Variants in ATAD2 observed in about 807,000 individuals in gnomAD.
ATAD2 encodes ATPase family AAA domain containing 2, also known as ATPase family AAA domain-containing protein 2.
A neutral mutation model predicts 168.9 loss-of-function variants in ATAD2; 62 were observed. That is an observed-to-expected ratio of 0.37 (90% CI 0.30 to 0.45). The LOEUF is 0.45. Ranked by LOEUF, ATAD2 falls within the 20% of genes least tolerant of loss-of-function variation. ATAD2 has a pLI of 1.00. For synonymous variants in ATAD2, 613 were observed against 571.6 expected (o/e 1.07, Z -1.03); for missense variants, 1,419 against 1,667.8 (o/e 0.85, Z 2.60).
intron 3 of ATAD2, among the ~76,000 whole-genome samples, chr8:123,372,091 G>A (rs1208545488): frequency 6.6e-6 from 1 of 152,156 alleles, no homozygotes; most frequent in African/African-American, 2.4e-5. Context: ...GTTCAAAGCA[G>A]CTTTGTGATA....
chr8:123,385,792 CACAT>C (rs1829631457), intron 1 of ATAD2, among the ~76,000 whole-genome samples: 1 of 151,936 alleles, frequency 6.6e-6, no homozygotes. Context: ...TACACACACA[CACAT>C]ATATACACGC....
intron 21 of ATAD2, 135 bp from the exon 22 acceptor site, chr8:123,336,667 C>A: frequency 1.5e-6 from 1 of 655,758 alleles, no homozygotes; most frequent in South Asian, 4.2e-5. Flanking sequence ...AACATAAAAC[C>A]TTTCACTTGA....
intron 8 of ATAD2, 78 bp downstream of exon 8, chr8:123,368,980 A>G: frequency 1.3e-6 from 1 of 765,416 alleles, no homozygotes; most frequent in South Asian, 2.6e-5. Context: ...AATACACCCA[A>G]TCCTGAAAGT....
At chr8:123,359,378 C>A (rs750097788) in intron 10 of ATAD2, 42 bp from the exon 11 acceptor site, 8 of 1,467,154 alleles carry the variant, frequency 5.5e-6, no homozygotes, top group South Asian at 1.2e-5. Flanking sequence ...GATTTGGAGT[C>A]CAGATTAAAA....
chr8:123,385,036 C>G (rs933735286), intron 1 of ATAD2, among the ~76,000 whole-genome samples: 3 of 152,066 alleles, frequency 2.0e-5, no homozygotes, highest in African/African-American at 7.2e-5. Context: ...TGTATATAAA[C>G]GTTTTTAAAG....
intron 24 of ATAD2, among the ~76,000 whole-genome samples, chr8:123,332,117 T>C (rs1048034509): frequency 3.3e-5 from 5 of 152,364 alleles, no homozygotes; most frequent in African/African-American, 1.2e-4. Context: ...CTACTGTCTA[T>C]ACATATTGTA....
rs1041557770 is a variant in ATAD2 at position 123,348,240 on chromosome 8, C to T, written c.1840G>A (p.Asp614Asn). The T allele has an allele frequency of 6.2e-7, 1 of 1,601,274 alleles. No homozygotes were observed. The highest frequency in any genetic ancestry group is 8.5e-7 in the Non-Finnish European group (1 of 1,176,388). Residue 614 changes from aspartate (D) to asparagine (N), a missense_variant, in exon 15 of 28, where the codon GAT becomes AAT. By Grantham distance (23) the Asp-to-Asn change is conservative (BLOSUM62 1). Coordinates refer to ENST00000287394, the MANE Select transcript of ATAD2 (RefSeq NM_014109.4). ...GTGTCCAGTGGTTTGGGATTCCAAT[C>T]CCTGGTGTGAATCTTTAGAATCTCT... The part of the protein sequence containing the change: ...RKEILKIHTR[D>N]WNPKPLDTFL...
At chr8:123,375,966 C>T (rs1829296151) in intron 2 of ATAD2, among the ~76,000 whole-genome samples, 1 of 151,946 alleles carries the variant, frequency 6.6e-6, no homozygotes, top group Non-Finnish European at 1.5e-5. Context: ...ATTGGCTGGG[C>T]GTGGTGGCGG....
chr8:123,346,089 G>T lies in ATAD2; in HGVS notation c.2529C>A (p.Ala843=). 1 of 1,522,252 alleles carries T rather than the reference G, an allele frequency of 6.6e-7. No individual in the cohort carries two copies. Among genetic ancestry groups the T allele is most frequent in the South Asian group, 1.3e-5 (1 of 76,218 alleles). 94.3% of individuals were successfully genotyped at this position (1,522,252 alleles called of 1,614,324 possible). Residue 843 remains alanine, a synonymous_variant, in exon 18 of 28, where the codon GCC becomes GCA. Coordinates refer to ENST00000287394, the MANE Select transcript of ATAD2 (RefSeq NM_014109.4). ...TACTTGGGCACCAACAAATTACCTG[G>T]GCACATGTTTCTTCAGGGGATGTAG... ...VSTTSPEETC[A]QVIREAKRTA... is the part of the protein sequence containing the mutation.
chr8:123,351,345 C>G (rs1828452404), intron 13 of ATAD2, among the ~76,000 whole-genome samples: 1 of 152,108 alleles, frequency 6.6e-6, no homozygotes, highest in African/African-American at 2.4e-5. Flanking sequence ...GGAGAGCTGT[C>G]CTGTACGTGT....
chr8:123,410,168 C>T (rs1394790733), intron 1 of ATAD2, among the ~76,000 whole-genome samples: 2 of 152,062 alleles, frequency 1.3e-5, no homozygotes, highest in African/African-American at 2.4e-5. Flanking sequence ...AGTAGCATTT[C>T]GTATTTCTTC....
At chr8:123,347,037 A>G in intron 16 of ATAD2, 55 bp downstream of exon 16, 2 of 1,482,852 alleles carry the variant, frequency 1.3e-6, no homozygotes, top group African/African-American at 1.4e-5. Flanking sequence ...TGTATGAAAC[A>G]TTTCACTTTA....
chr8:123,324,565 C>T (rs969426893), intron 26 of ATAD2, among the ~76,000 whole-genome samples: 1 of 152,202 alleles, frequency 6.6e-6, no homozygotes, highest in East Asian at 1.9e-4. Flanking sequence ...TGTAGGTTCA[C>T]CGTTACAGAG....
chr8:123,396,279 C>A lies in ATAD2; in HGVS notation c.79G>T (p.Asp27Tyr). 1.2e-6 allele frequency: 2 copies of A among 1,611,524 alleles called. No homozygotes were observed. Among genetic ancestry groups the A allele is most frequent in the South Asian group, 1.1e-5 (1 of 91,040 alleles). The change falls in exon 1 of 28, where the codon GAC becomes TAC. Residue 27 changes from aspartate (D) to tyrosine (Y), a missense_variant. Asp to Tyr is a radical substitution (Grantham distance 160, BLOSUM62 -3). Coordinates refer to ENST00000287394, the MANE Select transcript of ATAD2 (RefSeq NM_014109.4). ...SATGSLDLSS[D>Y]FLSLEHIGRR... The stretch of plus-strand genomic sequence containing the variant: ...CCGATGTGCTCCAGACTGAGGAAGT[C>A]ACTGGACAGGTCCAAGGAGCCCGTG...
At chr8:123,348,312 A>G in intron 14 of ATAD2, 39 bp from the exon 15 acceptor site, 3 of 1,313,968 alleles carry the variant, frequency 2.3e-6, no homozygotes, top group Non-Finnish European at 2.1e-6. Context: ...CAACTATAAT[A>G]ATAAATGCTA....
At chr8:123,350,506 CTTGA>C (rs1257098724) in intron 13 of ATAD2, among the ~76,000 whole-genome samples, 1 of 152,206 alleles carries the variant, frequency 6.6e-6, no homozygotes, top group Non-Finnish European at 1.5e-5. Context: ...ACACACTACA[CTTGA>C]TTATTTGTCA....
chr8:123,320,233 T>A lies in ATAD2; in HGVS notation c.*901A>T, dbSNP rs954076301. On this transcript the variant is annotated 3_prime_UTR_variant, in exon 28 of 28. Coordinates refer to ENST00000287394, the MANE Select transcript of ATAD2 (RefSeq NM_014109.4). ...CTATTTCACAAACTGATTATTAGAATGTCTTCTCCCCACTCTCCCCAAAAG... is the reference window on the plus strand; with the variant it reads ...CTATTTCACAAACTGATTATTAGAAAGTCTTCTCCCCACTCTCCCCAAAAG... 5 of 152,068 alleles carry A rather than the reference T, an allele frequency of 3.3e-5. No individual in the cohort carries two copies. Among genetic ancestry groups the A allele is most frequent in the African/African-American group, 1.2e-4 (5 of 41,438 alleles). 9.4% of individuals were successfully genotyped at this position (152,068 alleles called of 1,614,324 possible).
At chr8:123,407,821 C>G (rs947522747) in intron 1 of ATAD2, among the ~76,000 whole-genome samples, 1 of 151,336 alleles carries the variant, frequency 6.6e-6, no homozygotes, top group Admixed American at 6.6e-5. Context: ...TCACTGCACT[C>G]CAGCTTGGGT....
intron 25 of ATAD2, among the ~76,000 whole-genome samples, chr8:123,327,062 C>A (rs1827634862): frequency 6.6e-6 from 1 of 152,100 alleles, no homozygotes; most frequent in African/African-American, 2.4e-5. Context: ...GCGTTAGCCA[C>A]CACGCCCAGC....
Sources: allele counts gnomAD v4.1 joint callset (sites outside exome capture counted in the v4.1 genomes callset), GRCh38; gene constraint gnomAD v4.1.1; transcripts MANE v1.5; gene names NCBI Gene and HGNC (gene_info 2026-07-23, HGNC 2026-07-21).